ANKFN1: variants seen among roughly 807,000 people sequenced by gnomAD.
ANKFN1 encodes ankyrin repeat and fibronectin type-III domain-containing protein 1.
In ANKFN1, 74 loss-of-function variants were observed where a neutral mutation model predicts 108.7. That is an observed-to-expected ratio of 0.68 (90% confidence interval 0.56 to 0.83). The LOEUF is 0.83. Ranked by LOEUF, ANKFN1 falls within the 40% of genes least tolerant of loss-of-function variation. The pLI is 0.00. For missense variants in ANKFN1, 1,505 were observed against 1,382.3 expected (o/e 1.09, Z -1.41); for synonymous variants, 547 against 516.2 (o/e 1.06, Z -0.81).
intron 3 of ANKFN1, among the ~76,000 whole-genome samples, chr17:56,318,752 A>C (rs2045279530): frequency 6.6e-6 from 1 of 152,164 alleles, no homozygotes; most frequent in African/African-American, 2.4e-5. Flanking sequence ...TCTGCTGAGA[A>C]TCTTATTGGA....
intron 3 of ANKFN1, among the ~76,000 whole-genome samples, chr17:56,239,921 G>A (rs1009493858): frequency 2.6e-5 from 4 of 152,010 alleles, no homozygotes; most frequent in African/African-American, 9.7e-5. Flanking sequence ...TTACACATTC[G>A]GGAGCTGTGA....
intron 3 of ANKFN1, chr17:56,258,251 A>G (rs561147789): frequency 6.6e-6 from 1 of 152,198 alleles, no homozygotes; most frequent in Non-Finnish European, 1.5e-5. Context: ...AGGAACTTTC[A>G]TGACCCATGG....
chr17:56,239,144 G>C (rs1364359322), intron 3 of ANKFN1, among the ~76,000 whole-genome samples: 4 of 152,126 alleles, frequency 2.6e-5, no homozygotes, highest in Non-Finnish European at 5.9e-5. Flanking sequence ...AAGTTAAAGA[G>C]AATGGGGAGG....
intron 4 of ANKFN1, among the ~76,000 whole-genome samples, chr17:56,113,143 C>T (rs1206343852): frequency 7.2e-5 from 11 of 152,114 alleles, no homozygotes; most frequent in Non-Finnish European, 1.5e-4. Context: ...GCATTCACTC[C>T]GCTAGATATT....
At chr17:56,328,219 T>C (rs989178348) in intron 4 of ANKFN1, among the ~76,000 whole-genome samples, 16 of 152,180 alleles carry the variant, frequency 1.1e-4, no homozygotes, top group Admixed American at 2.6e-4. Context: ...GTATAATCCA[T>C]GTATAGAACT....
intron 3 of ANKFN1, among the ~76,000 whole-genome samples, chr17:56,321,682 C>A (rs2045371902): frequency 6.6e-6 from 1 of 152,042 alleles, no homozygotes; most frequent in South Asian, 2.1e-4. Context: ...TGGGCTTTGG[C>A]CTAATTTTGC....
rs61278649 is a variant in ANKFN1, at chr17:56,353,240, C to CTT, written c.391-582_391-581dup. ...TTCTTCATAGAACATCTCTTAATTA[C>CTT]TTTTTTTTTTTTTTTAAGAGCGTCT... On this transcript the variant is annotated intron_variant, in intron 5 of 20. Coordinates refer to ENST00000682825, the MANE Select transcript of ANKFN1 (RefSeq NM_001370326.1). Among the ~76,000 whole-genome samples the CTT allele has an allele frequency of 9.5e-3, 1,365 of 143,222 alleles. 21 individuals carry two copies. The highest frequency in any genetic ancestry group is 0.032 in the African/African-American group (1,282 of 39,612). The allele number at this position is 143,222 out of a possible 152,430, so 94.0% of individuals were successfully genotyped here.
intron 20 of ANKFN1, among the ~76,000 whole-genome samples, chr17:56,507,834 A>G (rs1309514713): frequency 1.3e-5 from 2 of 152,178 alleles, no homozygotes; most frequent in African/African-American, 2.4e-5. Flanking sequence ...CCCTTTGTAC[A>G]GTGATGCTTC....
intron 4 of ANKFN1, among the ~76,000 whole-genome samples, chr17:56,327,765 A>G (rs1207758117): frequency 6.6e-6 from 1 of 152,212 alleles, no homozygotes; most frequent in Non-Finnish European, 1.5e-5. Flanking sequence ...CATTCCTTCT[A>G]TTCCTAATTG....
At chr17:56,097,672 G>A (rs1056371806) in intron 4 of ANKFN1, among the ~76,000 whole-genome samples, 28 of 152,128 alleles carry the variant, frequency 1.8e-4, no homozygotes, top group African/African-American at 6.8e-4. Context: ...GAACCTTCCA[G>A]CGAGTTCTGT....
intron 8 of ANKFN1, among the ~76,000 whole-genome samples, chr17:56,413,076 A>G (rs886920489): frequency 4.6e-5 from 7 of 152,122 alleles, no homozygotes; most frequent in African/African-American, 1.4e-4. Flanking sequence ...GCTTATTTCA[A>G]GTGCCTCGAA....
chr17:56,088,577 G>A (rs1023875984), intron 4 of ANKFN1, among the ~76,000 whole-genome samples: 1 of 150,714 alleles, frequency 6.6e-6, no homozygotes, highest in African/African-American at 2.4e-5. Context: ...CCCCAGTACT[G>A]CATAGGCCCT....
At chr17:56,351,686 G>A (rs1199752008) in intron 5 of ANKFN1, among the ~76,000 whole-genome samples, 1 of 152,130 alleles carries the variant, frequency 6.6e-6, no homozygotes, top group African/African-American at 2.4e-5. Flanking sequence ...CAGTCCTCTG[G>A]ACCTTGTAGA....
At chr17:56,259,514 A>C (rs1277167875) in intron 3 of ANKFN1, among the ~76,000 whole-genome samples, 1 of 152,106 alleles carries the variant, frequency 6.6e-6, no homozygotes, top group Admixed American at 6.5e-5. Flanking sequence ...ACTTACTCTT[A>C]GACTTCTGTT....
At chr17:56,087,310 T>C (rs939721483) in intron 4 of ANKFN1, among the ~76,000 whole-genome samples, 1 of 151,380 alleles carries the variant, frequency 6.6e-6, no homozygotes, top group Admixed American at 6.6e-5. Flanking sequence ...ACACAGTAAC[T>C]CTTCACTCTT....
At chr17:56,050,387 T>C (rs1448004911) in intron 4 of ANKFN1, among the ~76,000 whole-genome samples, 3 of 142,824 alleles carry the variant, frequency 2.1e-5, no homozygotes, top group African/African-American at 8.0e-5. Flanking sequence ...GCAGAAGCTC[T>C]TTAGTTTAAT....
At chr17:56,392,319 C>T (rs1187971061) in intron 8 of ANKFN1, among the ~76,000 whole-genome samples, 4 of 152,186 alleles carry the variant, frequency 2.6e-5, no homozygotes, top group Non-Finnish European at 5.9e-5. Flanking sequence ...AATTAACAAA[C>T]AAATGCATGA....
chr17:56,451,310 G>T (rs1471093434), intron 11 of ANKFN1, among the ~76,000 whole-genome samples: 2 of 152,008 alleles, frequency 1.3e-5, no homozygotes, highest in Admixed American at 1.3e-4. Flanking sequence ...CACAAATTTT[G>T]GGAAATGCTA....
At chr17:56,178,298 A>G (rs903650162) in intron 1 of ANKFN1, among the ~76,000 whole-genome samples, 1 of 152,160 alleles carries the variant, frequency 6.6e-6, no homozygotes, top group Non-Finnish European at 1.5e-5. Context: ...AATTTAAAAT[A>G]GTTATTTGGG....
Sources: allele counts gnomAD v4.1 joint callset (sites outside exome capture counted in the v4.1 genomes callset), GRCh38; gene constraint gnomAD v4.1.1; transcripts MANE v1.5; gene names NCBI Gene and HGNC (gene_info 2026-07-23, HGNC 2026-07-21).